The following DENND5A variants were observed in gnomAD, a reference collection of about 807,000 sequenced individuals.
The protein encoded by DENND5A is DENN domain containing 5A, also known as DENN domain-containing protein 5A.
A neutral mutation model predicts 140.3 loss-of-function variants in DENND5A; 64 were observed. The ratio of observed to expected loss-of-function variants is 0.46; its 90% CI spans 0.37 to 0.56. DENND5A has a LOEUF of 0.56. Ranked by LOEUF, DENND5A falls within the 20% of genes least tolerant of loss-of-function variation. The pLI, the probability that DENND5A is intolerant of heterozygous loss-of-function variation, is 0.00. For missense variants in DENND5A, 1,292 were observed against 1,593.8 expected (o/e 0.81, Z 3.22); for synonymous variants, 605 against 607.7 (o/e 1.00, Z 0.07).
intron 1 of DENND5A, among the ~76,000 whole-genome samples, chr11:9,233,199 G>C (rs1170872131): frequency 1.3e-5 from 2 of 152,078 alleles, no homozygotes; most frequent in Admixed American, 1.3e-4. Context: ...AGGAGTTCGA[G>C]ACCAGCCTGG....
chr11:9,216,683 T>C (rs975428452), intron 1 of DENND5A, among the ~76,000 whole-genome samples: 1 of 152,114 alleles, frequency 6.6e-6, no homozygotes, highest in African/African-American at 2.4e-5. Flanking sequence ...ATCAGGAGGA[T>C]GGCTTGAGGC....
intron 21 of DENND5A, 40 bp from the exon 22 acceptor site, chr11:9,142,148 A>G: frequency 6.5e-7 from 1 of 1,530,520 alleles, no homozygotes; most frequent in Non-Finnish European, 8.8e-7. Flanking sequence ...AAAGGCTCTC[A>G]ACACCAACCC....
At position 9,150,194 on chromosome 11, in the gene DENND5A, G is replaced by C; in HGVS notation, c.2622C>G (p.Ile874Met). 1 of 1,613,592 alleles carries C rather than the reference G, an allele frequency of 6.2e-7. No homozygotes were observed. The highest frequency in any genetic ancestry group is 1.1e-5 in the South Asian group (1 of 91,022). Residue 874 changes from isoleucine (I) to methionine (M), a missense_variant, in exon 15 of 23, where the codon ATC (isoleucine) becomes ATG (methionine). Physicochemically the swap from Ile to Met is conservative, Grantham distance 10. Transcript: ENST00000328194. ...LIQDMRHIQN[I>M]GEIKTDVGKA... ...TTCCCACATCAGTCTTGATTTCCCC[G>C]ATGTTCTGGATGTGCCTGGAGGAAG...
chr11:9,144,340 C>T (rs1847350136), intron 18 of DENND5A, 62 bp from the exon 19 acceptor site: 6 of 1,556,366 alleles, frequency 3.9e-6, no homozygotes, highest in Admixed American at 1.8e-5. Context: ...ACAGGAAGAG[C>T]CATCAACAAA....
chr11:9,215,642 G>A (rs1452689431), intron 1 of DENND5A, among the ~76,000 whole-genome samples: 2 of 150,092 alleles, frequency 1.3e-5, no homozygotes, highest in Non-Finnish European at 2.9e-5. Flanking sequence ...CCACCTCCCA[G>A]GTTCAGGCAA....
intron 3 of DENND5A, 69 bp from the exon 4 acceptor site, chr11:9,204,386 C>T: frequency 6.9e-7 from 1 of 1,459,658 alleles, no homozygotes; most frequent in Non-Finnish European, 9.3e-7. Flanking sequence ...AACACCATCA[C>T]TATTTATTTA....
intron 1 of DENND5A, among the ~76,000 whole-genome samples, chr11:9,212,121 A>G (rs781142293): frequency 2.6e-5 from 4 of 152,110 alleles, no homozygotes; most frequent in Non-Finnish European, 4.4e-5. Context: ...GTGGTAGCTC[A>G]CACTTATAAC....
At chr11:9,256,297 T>C (rs1436174737) in intron 1 of DENND5A, among the ~76,000 whole-genome samples, 1 of 151,850 alleles carries the variant, frequency 6.6e-6, no homozygotes, top group Non-Finnish European at 1.5e-5. Context: ...CCGTCTCTAC[T>C]AAAAATACAA....
chr11:9,145,618 G>A (rs200567129), intron 17 of DENND5A, 52 bp downstream of exon 17: 60 of 1,603,014 alleles, frequency 3.7e-5, no homozygotes, highest in South Asian at 3.3e-5. Context: ...TCCCCAAAGC[G>A]GCTGTTGCAA....
rs1446534195 is a variant in DENND5A, at chr11:9,190,422, T to C, written c.1137+3072A>G. Among the ~76,000 whole-genome samples, 4 of 152,268 alleles carry C rather than the reference T, an allele frequency of 2.6e-5. No homozygotes were observed. In the South Asian group the frequency reaches 8.3e-4, roughly 32 times the overall value. On this transcript the variant is annotated intron_variant, in intron 5 of 22. Coordinates refer to ENST00000328194, the MANE Select transcript of DENND5A (RefSeq NM_015213.4). ...GAATCATGGGGGCAGGTCTTTCCCA[T>C]GCTGTTCTCGTGATAGTGAATAAGT...
intron 1 of DENND5A, among the ~76,000 whole-genome samples, chr11:9,245,843 A>G (rs751763710): frequency 6.6e-6 from 1 of 152,068 alleles, no homozygotes; most frequent in Admixed American, 6.6e-5. Flanking sequence ...CATGTTGGCC[A>G]GGCAGGTCTC....
At chr11:9,235,790 C>CA (rs1425209883) in intron 1 of DENND5A, among the ~76,000 whole-genome samples, 1 of 152,114 alleles carries the variant, frequency 6.6e-6, no homozygotes, top group Non-Finnish European at 1.5e-5. Flanking sequence ...AGAGAGAAAG[C>CA]AGACTACTAG....
chr11:9,146,850 CTT>C (rs1847447403), intron 16 of DENND5A, 178 bp downstream of exon 16: 1 of 654,520 alleles, frequency 1.5e-6, no homozygotes, highest in Non-Finnish European at 2.6e-6. Flanking sequence ...GAATGAGAAA[CTT>C]CAGAGAAAAC....
intron 5 of DENND5A, among the ~76,000 whole-genome samples, chr11:9,186,149 A>G (rs747317587): frequency 2.6e-5 from 4 of 151,798 alleles, no homozygotes; most frequent in Non-Finnish European, 4.4e-5. Flanking sequence ...GAGCTTTCCC[A>G]TGTCAAAAAT....
In DENND5A at chr11:9,157,900, T is replaced by G. The variant is rs140974963; in HGVS notation, c.2436+2813A>C. ...ATTTCAGAAAGTGCAAGTTGCTTAT[T>G]TAAAGTCATCCAGTGGAGCCAGGAT... is the stretch of plus-strand genomic sequence containing the variant. On this transcript the variant is annotated intron_variant, in intron 12 of 22. Transcript: ENST00000328194. Among the ~76,000 whole-genome samples the G allele has an allele frequency of 3.3e-5, 5 of 152,348 alleles. No individual in the cohort carries two copies. In the East Asian group the frequency reaches 9.6e-4, roughly 29 times the overall value.
chr11:9,163,562 T>C (rs1327650518), intron 11 of DENND5A, among the ~76,000 whole-genome samples: 1 of 152,032 alleles, frequency 6.6e-6, no homozygotes, highest in Admixed American at 6.6e-5. Flanking sequence ...CCCAGCACTT[T>C]GGAGGCCGAG....
intron 1 of DENND5A, among the ~76,000 whole-genome samples, chr11:9,209,591 T>C (rs549967854): frequency 6.6e-6 from 1 of 152,164 alleles, no homozygotes; most frequent in Non-Finnish European, 1.5e-5. Context: ...CAAATGTCCT[T>C]CTGTGAATTA....
intron 3 of DENND5A, among the ~76,000 whole-genome samples, chr11:9,204,940 C>CA (rs1849646255): frequency 6.6e-6 from 1 of 152,066 alleles, no homozygotes; most frequent in Non-Finnish European, 1.5e-5. Flanking sequence ...TGCACAAAGA[C>CA]ATGGAGATAA....
intron 16 of DENND5A, 84 bp from the exon 17 acceptor site, chr11:9,145,899 G>C (rs751472273): frequency 2.2e-5 from 32 of 1,476,840 alleles, no homozygotes; most frequent in Admixed American, 2.1e-4. Flanking sequence ...CTCCAGGAAG[G>C]CTGGCACAAC....
Sources: allele counts gnomAD v4.1 joint callset (sites outside exome capture counted in the v4.1 genomes callset), GRCh38; gene constraint gnomAD v4.1.1; transcripts MANE v1.5; gene names NCBI Gene and HGNC (gene_info 2026-07-23, HGNC 2026-07-21).